Variants in ANK1 observed in about 807,000 individuals in gnomAD.
ANK1 encodes the protein ankyrin 1, also known as ankyrin-1.
In ANK1, 51 loss-of-function variants were observed where a neutral mutation model predicts 210.4. The ratio of observed to expected loss-of-function variants is 0.24; its 90% CI spans 0.19 to 0.31. ANK1 has a LOEUF of 0.31. Ranked by LOEUF, ANK1 falls within the 10% of genes least tolerant of loss-of-function variation. The probability of loss-of-function intolerance (pLI) is 1.00; values close to 1 mark genes in which losing one functional copy is unlikely to be tolerated. For missense variants in ANK1, 2,051 were observed against 2,504.4 expected, an observed-to-expected ratio of 0.82 and a Z score of 3.86; for synonymous variants, 967 against 1,025.9, an observed-to-expected ratio of 0.94 and a Z score of 1.10.
At chr8:41,677,529 G>C (rs1358733442) in intron 37 of ANK1, among the ~76,000 whole-genome samples, 1 of 151,474 alleles carries the variant, frequency 6.6e-6, no homozygotes, top group Admixed American at 6.6e-5. Flanking sequence ...TTAAAGATGT[G>C]GCATACTTTA....
At chr8:41,769,859 T>TA (rs907360645) in intron 1 of ANK1, among the ~76,000 whole-genome samples, 16 of 151,884 alleles carry the variant, frequency 1.1e-4, no homozygotes, top group African/African-American at 3.1e-4. Flanking sequence ...CATGGCTAAT[T>TA]AAAAAAAATT....
intron 3 of ANK1, among the ~76,000 whole-genome samples, chr8:41,733,220 C>T (rs1563604895): frequency 6.6e-6 from 1 of 152,146 alleles, no homozygotes; most frequent in Admixed American, 6.5e-5. Context: ...ACTGTGGATG[C>T]CTGGCGTCGC....
rs753323920 is a variant in ANK1 at position 41,694,561 on chromosome 8, C to T, written c.3327+31G>A. ...CCGGAGGCCTGGAGTTCAGTCCACC[C>T]CCAGGACCTGGCGGGGAGGAGGGCT... On this transcript the variant is annotated intron_variant, in intron 28 of 42. Coordinates refer to ENST00000289734, the MANE Select transcript of ANK1 (RefSeq NM_000037.4). The surrounding 1 kb of genome is among the most constrained non-coding windows in gnomAD (Gnocchi z 5.7). 3.7e-6 allele frequency: 6 copies of T among 1,602,340 alleles called. No individual in the cohort carries two copies. Among genetic ancestry groups the T allele is most frequent in the South Asian group, 1.1e-5 (1 of 89,694 alleles).
intron 1 of ANK1, among the ~76,000 whole-genome samples, chr8:41,788,649 T>C (rs1306753102): frequency 6.6e-6 from 1 of 152,196 alleles, no homozygotes; most frequent in African/African-American, 2.4e-5. Flanking sequence ...GGGTACAAAG[T>C]CGCTACTCAA....
intron 2 of ANK1, among the ~76,000 whole-genome samples, chr8:41,750,565 CTT>C (rs56259522): frequency 4.7e-5 from 7 of 148,904 alleles, no homozygotes; most frequent in African/African-American, 7.4e-5. Context: ...AACATTGCTG[CTT>C]TTTTTTTTTC....
At chr8:41,677,933 T>A (rs982822835) in intron 37 of ANK1, among the ~76,000 whole-genome samples, 9 of 152,132 alleles carry the variant, frequency 5.9e-5, no homozygotes, top group African/African-American at 2.2e-4. Context: ...GTGAATCTTA[T>A]TTTGGTTCCC....
intron 17 of ANK1, 126 bp from the exon 18 acceptor site, chr8:41,706,367 A>C: frequency 1.2e-6 from 1 of 861,750 alleles, no homozygotes; most frequent in Non-Finnish European, 1.9e-6. Flanking sequence ...GGCTCCAGGC[A>C]AAGCTCTTCC....
At chr8:41,738,651 G>C (rs1833993778) in intron 2 of ANK1, among the ~76,000 whole-genome samples, 1 of 152,226 alleles carries the variant, frequency 6.6e-6, no homozygotes, top group Non-Finnish European at 1.5e-5. Flanking sequence ...GTTCTTAGCT[G>C]TAAGTATGGA....
At chr8:41,669,972 T>A (rs908166581) in intron 38 of ANK1, among the ~76,000 whole-genome samples, 4 of 152,086 alleles carry the variant, frequency 2.6e-5, no homozygotes, top group African/African-American at 7.2e-5. Context: ...GTCCTCACCC[T>A]CACCCTCAAT....
At position 41,727,970 on chromosome 8, in the gene ANK1, C is replaced by T. The variant is rs1327804280; in HGVS notation, c.265G>A (p.Gly89Arg). Residue 89 changes from glycine to arginine, a missense_variant, in exon 4 of 43, where the codon GGG (glycine) becomes AGG (arginine). Gly to Arg is a moderately radical substitution (Grantham distance 125, BLOSUM62 -2). Around this residue, in one of 6 missense-constraint regions of ANK1, gnomAD observed 72 missense variants for 133.5 expected, o/e 0.54. Transcript: ENST00000289734. ...NTALHIAALAGQDEVVRELVN... is the reference protein window; with the variant it reads ...NTALHIAALARQDEVVRELVN... ...AGCTCCCGGACCACCTCATCCTGCC[C>T]GGCTAGAGCAGCGATGTGCAGGGCC... 3 of 1,614,174 alleles carry T rather than the reference C, an allele frequency of 1.9e-6. No homozygotes were observed. The highest frequency in any genetic ancestry group is 3.3e-5 in the Admixed American group (2 of 60,026).
rs114549718 is a variant in ANK1 at position 41,742,839 on chromosome 8, C to G, written c.130-8770G>C. Among the ~76,000 whole-genome samples the G allele has an allele frequency of 8.2e-3, 1,246 of 152,204 alleles. 19 individuals are homozygous for G. The highest frequency in any genetic ancestry group is 0.029 in the African/African-American group (1,207 of 41,516). ...AATGCCTAGATGCTTTTACCTTTAC[C>G]CATGCAGGCAGCAAAGATCCAGGCA... On this transcript the variant is annotated intron_variant, in intron 2 of 42. Coordinates refer to ENST00000289734, the MANE Select transcript of ANK1 (RefSeq NM_000037.4).
At chr8:41,723,695 C>T (rs1829899636) in intron 7 of ANK1, 62 bp from the exon 8 acceptor site, 2 of 1,475,844 alleles carry the variant, frequency 1.4e-6, no homozygotes, top group Admixed American at 1.7e-5. Flanking sequence ...AGCTGCTGTG[C>T]ACCCGCTCCC....
intron 40 of ANK1, among the ~76,000 whole-genome samples, chr8:41,662,526 A>G (rs1808767611): frequency 6.6e-6 from 1 of 152,126 alleles, no homozygotes; most frequent in African/African-American, 2.4e-5. Context: ...TTGCTTTTTG[A>G]TATGGATGGG....
At chr8:41,696,610 T>C (rs369280360) in intron 25 of ANK1, 23 bp from the exon 26 acceptor site, 123 of 1,612,372 alleles carry the variant, frequency 7.6e-5, no homozygotes, top group Admixed American at 5.3e-4. Context: ...CAGATGCACG[T>C]TGGGCTTCTG....
intron 1 of ANK1, among the ~76,000 whole-genome samples, chr8:41,778,801 T>G (rs1338104576): frequency 6.6e-6 from 1 of 152,188 alleles, no homozygotes; most frequent in Non-Finnish European, 1.5e-5. Flanking sequence ...ATTTTTAGAT[T>G]TATTCAGTCA....
chr8:41,807,071 CATT>C (rs1361651725), intron 1 of ANK1, among the ~76,000 whole-genome samples: 1 of 152,172 alleles, frequency 6.6e-6, no homozygotes, highest in African/African-American at 2.4e-5. Flanking sequence ...ATTTGTTCAT[CATT>C]CATTTATTCA....
In ANK1 at chr8:41,688,225, G is replaced by C; in HGVS notation, c.4189C>G (p.Leu1397Val). The C allele has an allele frequency of 6.2e-7, 1 of 1,614,224 alleles. No individual in the cohort carries two copies. Among genetic ancestry groups the C allele is most frequent in the Non-Finnish European group, 8.5e-7 (1 of 1,180,038 alleles). The change falls in exon 35 of 43, where the codon CTC becomes GTC. Residue 1397 changes from leucine (L) to valine (V), a missense_variant. Leu to Val is a conservative substitution (Grantham distance 32). This residue lies in a region of ANK1 where 1,413 missense variants were observed against 1,707.4 expected (regional missense o/e 0.83). Coordinates refer to ENST00000289734, the MANE Select transcript of ANK1 (RefSeq NM_000037.4). ...ATCTCTGCCTGCTCTGTCCCACTGA[G>C]AGAACCTGGGGAGAAGCATTAGATT... ...SILSESTPGS[L>V]SGTEQAEMKM...
At chr8:41,711,660 G>A (rs945872130) in intron 16 of ANK1, among the ~76,000 whole-genome samples, 1 of 152,108 alleles carries the variant, frequency 6.6e-6, no homozygotes, top group Non-Finnish European at 1.5e-5. Context: ...AAAGAATCTC[G>A]GAATCTGCCT....
At chr8:41,698,658 C>T (rs959821108) in intron 23 of ANK1, among the ~76,000 whole-genome samples, 3 of 152,190 alleles carry the variant, frequency 2.0e-5, no homozygotes, top group Admixed American at 6.5e-5. Context: ...ACAGCAGTCA[C>T]AGGGGGAAAT....
Sources: allele counts gnomAD v4.1 joint callset (sites outside exome capture counted in the v4.1 genomes callset), GRCh38; gene constraint gnomAD v4.1.1; regional missense constraint gnomAD v4.1.1; non-coding constraint Gnocchi (gnomAD v3.1); transcripts MANE v1.5; gene names NCBI Gene and HGNC (gene_info 2026-07-23, HGNC 2026-07-21).